The following CLUH variants were observed in gnomAD, a reference collection of about 807,000 sequenced individuals.
The protein encoded by CLUH is clustered mitochondria protein homolog.
In CLUH, 77 loss-of-function variants were observed where a neutral mutation model predicts 139.3. The ratio of observed to expected loss-of-function variants is 0.55; its 90% CI spans 0.46 to 0.67. The LOEUF is 0.67. Ranked by LOEUF, CLUH falls within the 30% of genes least tolerant of loss-of-function variation. The probability of loss-of-function intolerance (pLI) is 0.00; values close to 1 mark genes in which losing one functional copy is unlikely to be tolerated. For missense variants in CLUH, 1,876 were observed against 1,875.8 expected (o/e 1.00, Z 0.00); for synonymous variants, 999 against 801.6 (o/e 1.25, Z -4.16).
rs1382588742 is a variant in CLUH, at chr17:2,707,441, G to A, written c.101-2877C>T. 4.1e-6 allele frequency: 4 copies of A among 985,426 alleles called. No individual in the cohort carries two copies. Among genetic ancestry groups the A allele is most frequent in the Non-Finnish European group, 4.8e-6 (4 of 829,918 alleles). 61.0% of individuals were successfully genotyped at this position (985,426 alleles called of 1,614,324 possible). ...CCCGCTCAAGGTCGGCCAGAAGGACGGCTGTGGGCCAGGAGAACCCGGTGG... is the reference window on the plus strand; with the variant it reads ...CCCGCTCAAGGTCGGCCAGAAGGACAGCTGTGGGCCAGGAGAACCCGGTGG... On this transcript the variant is annotated intron_variant, in intron 1 of 25. Coordinates refer to ENST00000651024, the MANE Select transcript of CLUH (RefSeq NM_001366661.1). This position sits in a 1 kb window ranked among gnomAD's most constrained non-coding sequence, Gnocchi z 7.4.
chr17:2,704,248 T>G lies in CLUH; in HGVS notation c.303+114A>C. ...TGACTCTAGGGAGGGCACGGGATCC[T>G]CAGTTTCCTGCCACAAAATGGGGCC... On this transcript the variant is annotated intron_variant, in intron 2 of 25. Transcript: ENST00000651024. This position sits in a 1 kb window ranked among gnomAD's most constrained non-coding sequence, Gnocchi z 5.7. 1 of 1,142,898 alleles carries G rather than the reference T, an allele frequency of 8.7e-7. No homozygotes were observed. Among genetic ancestry groups the G allele is most frequent in the South Asian group, 1.5e-5 (1 of 66,332 alleles). 70.8% of individuals were successfully genotyped at this position (1,142,898 alleles called of 1,614,324 possible).
At position 2,696,768 on chromosome 17, in the gene CLUH, C is replaced by T. The variant is rs1451665654; in HGVS notation, c.2136G>A (p.Leu712=). 2.5e-6 allele frequency: 4 copies of T among 1,612,684 alleles called. No individual in the cohort carries two copies. The African/African-American group carries it at 4.0e-5, about 16-fold the overall frequency. ...TCTCTGCCAGCTCCTTCACCTTGGC[C>T]AGGCCGCTGGCGCTGCTACCCTCCT... The part of the protein sequence containing the change: ...SEEEGSSASG[L]AKVKELAETI... Residue 712 remains leucine (L), a synonymous_variant, in exon 11 of 26, where the codon CTG becomes CTA. Coordinates refer to ENST00000651024, the MANE Select transcript of CLUH (RefSeq NM_001366661.1).
At chr17:2,700,235 C>G in intron 9 of CLUH, 147 bp downstream of exon 9, 1 of 679,618 alleles carries the variant, frequency 1.5e-6, no homozygotes, top group South Asian at 1.8e-5. Context: ...GGCTAGCAGA[C>G]CCTGCGGGAG....
intron 3 of CLUH, among the ~76,000 whole-genome samples, chr17:2,702,323 G>A: frequency 6.6e-6 from 1 of 152,204 alleles, no homozygotes. Flanking sequence ...AGCACACACA[G>A]GCCTCAGGCG....
chr17:2,696,413 T>C (rs764637909), intron 12 of CLUH, 21 bp downstream of exon 12: 1 of 1,563,540 alleles, frequency 6.4e-7, no homozygotes, highest in Middle Eastern at 1.7e-4. Context: ...GCTCCTGCGC[T>C]GGCCGGCCCC....
At chr17:2,700,967 G>A (rs1484226521) in intron 7 of CLUH, 142 bp from the exon 8 acceptor site, 30 of 1,416,446 alleles carry the variant, frequency 2.1e-5, no homozygotes, top group East Asian at 7.3e-5. Flanking sequence ...GTGCACGGGC[G>A]CCTCTCCTGC....
At chr17:2,692,331 G>A in intron 22 of CLUH, 30 bp downstream of exon 22, 2 of 1,523,100 alleles carry the variant, frequency 1.3e-6, no homozygotes, top group Non-Finnish European at 8.8e-7. Context: ...GCCTCCGCCG[G>A]CCTTGGCGTT....
At position 2,698,503 on chromosome 17, in the gene CLUH, T is replaced by C; in HGVS notation, c.1354A>G (p.Thr452Ala). ...NVMAINPSEE[T>A]KMQMFIWNNI... ...TTCCAGATGAACATCTGCATCTTGG[T>C]CTCCTCGCTGGGGTTGATGGCCATC... The change falls in exon 10 of 26, where the codon ACC (threonine) becomes GCC (alanine). Residue 452 changes from threonine (T) to alanine (A), a missense_variant. Physicochemically the swap from Thr to Ala is moderately conservative, Grantham distance 58. Around this residue, in one of 3 missense-constraint regions of CLUH, gnomAD observed 1,454 missense variants for 1,384.4 expected, o/e 1.05. Transcript: ENST00000651024. 1 of 1,613,030 alleles carries C rather than the reference T, an allele frequency of 6.2e-7. No homozygotes were observed. Among genetic ancestry groups the C allele is most frequent in the Non-Finnish European group, 8.5e-7 (1 of 1,179,750 alleles).
At position 2,703,620 on chromosome 17, in the gene CLUH, C is replaced by A. The variant is rs978824325; in HGVS notation, c.304-131G>T. ...TCCCCTTGTCCCCAGCCCAAAGTAC[C>A]TTGGTCCCCAGAATAAATGCCCCAA... is the stretch of plus-strand genomic sequence containing the variant. On this transcript the variant is annotated intron_variant, in intron 2 of 25. Coordinates refer to ENST00000651024, the MANE Select transcript of CLUH (RefSeq NM_001366661.1). The surrounding 1 kb of genome is among the most constrained non-coding windows in gnomAD (Gnocchi z 4.2). The A allele has an allele frequency of 3.6e-6, 3 of 830,478 alleles. No homozygotes were observed. In the Admixed American group the frequency reaches 7.9e-5, roughly 22 times the overall value. The allele number at this position is 830,478 out of a possible 1,614,324, so 51.4% of individuals were successfully genotyped here.
chr17:2,701,892 C>T, intron 4 of CLUH, 22 bp downstream of exon 4: 13 of 1,612,998 alleles, frequency 8.1e-6, no homozygotes, highest in Non-Finnish European at 1.0e-5. Context: ...GGCCCAATCC[C>T]CGGCCCCAGT....
chr17:2,691,973 C>CCCCGCCCCCGCCCCGCCCCGCGG (rs1555529496), intron 23 of CLUH, 31 bp downstream of exon 23: 1 of 455,510 alleles, frequency 2.2e-6, no homozygotes, highest in African/African-American at 5.3e-5. Context: ...CCCCGCCCCG[C>CCCCGCCCCCGCCCCGCCCCGCGG]CCCCGCCCCC....
chr17:2,690,462 G>GGAGAT lies in CLUH; in HGVS notation c.*131_*132insATCTC. 1.3e-6 allele frequency: 1 copy of GGAGAT among 775,340 alleles called. No homozygotes were observed. The highest frequency in any genetic ancestry group is 1.8e-6 in the Non-Finnish European group (1 of 541,400). 48.0% of individuals were successfully genotyped at this position (775,340 alleles called of 1,614,324 possible). On this transcript the variant is annotated 3_prime_UTR_variant, in exon 26 of 26. Coordinates refer to ENST00000651024, the MANE Select transcript of CLUH (RefSeq NM_001366661.1). ...GCAGGCCAGGCTCCCAGGAGGACAC[G>GGAGAT]GGGGTGGGGTGGGGTGAGACGTGGA...
At chr17:2,692,128 A>G in intron 22 of CLUH, 31 bp from the exon 23 acceptor site, 1 of 1,567,154 alleles carries the variant, frequency 6.4e-7, no homozygotes, top group South Asian at 1.2e-5. Context: ...GGGCGAGGGA[A>G]GGGCATAAGT....
At chr17:2,694,822 T>TTCCCCCCCCCCCCCCCCCCCC in intron 16 of CLUH, 35 bp downstream of exon 16, 1 of 1,346,338 alleles carries the variant, frequency 7.4e-7, no homozygotes, top group Admixed American at 2.6e-5. Flanking sequence ...ATCTGCCCAA[T>TTCCCCCCCCCCCCCCCCCCCC]CCCACCCACC....
intron 1 of CLUH, among the ~76,000 whole-genome samples, chr17:2,709,836 GTC>G (rs2070458530): frequency 1.3e-5 from 2 of 152,120 alleles, no homozygotes; most frequent in African/African-American, 2.4e-5. Flanking sequence ...TGTAACGTAA[GTC>G]CTAGCTAGCT....
rs767230061 is a variant in CLUH at position 2,696,877 on chromosome 17, G to T, written c.2027C>A (p.Thr676Asn). The T allele has an allele frequency of 1.2e-6, 2 of 1,612,922 alleles. No individual in the cohort carries two copies. Reference sequence around the variant, plus strand: ...ACCACCATTTTCCAGGGAGGAGGGGGTCTCCAGCTGGCTGGCGTTCTGCTG... The same window carrying T: ...ACCACCATTTTCCAGGGAGGAGGGGTTCTCCAGCTGGCTGGCGTTCTGCTG... The part of the protein sequence containing the change: ...LMQQNASQLE[T>N]PSSLENGGPS... Residue 676 changes from threonine to asparagine, a missense_variant, in exon 11 of 26, where the codon ACC becomes AAC. Transcript: ENST00000651024.
At chr17:2,700,343 GC>G in intron 9 of CLUH, 38 bp downstream of exon 9, 1 of 1,562,772 alleles carries the variant, frequency 6.4e-7, no homozygotes, top group Non-Finnish European at 8.7e-7. Context: ...CAGGTGGACA[GC>G]GGGCCTCAGA....
intron 16 of CLUH, 45 bp from the exon 17 acceptor site, chr17:2,694,609 C>T (rs1035771887): frequency 5.4e-6 from 8 of 1,488,364 alleles, no homozygotes; most frequent in South Asian, 4.9e-5. Context: ...CACCGCCGGG[C>T]CCCCCCAACA....
intron 3 of CLUH, 57 bp from the exon 4 acceptor site, chr17:2,702,114 TG>T (rs2070208891): frequency 6.3e-7 from 1 of 1,579,666 alleles, no homozygotes; most frequent in African/African-American, 1.3e-5. Flanking sequence ...CTGAACAACC[TG>T]CCCAGCACAA....
Sources: gnomAD v4.1 joint callset for allele counts (sites outside exome capture counted in the v4.1 genomes callset) on GRCh38, gnomAD v4.1.1 for gene constraint, gnomAD v4.1.1 regional missense constraint, Gnocchi (gnomAD v3.1) non-coding constraint, MANE v1.5 for transcripts, NCBI Gene and HGNC (gene_info 2026-07-23, HGNC 2026-07-21) for gene names.